CDK14: variants seen among roughly 807,000 people sequenced by gnomAD.
The protein encoded by CDK14 is cyclin dependent kinase 14.
In CDK14, 34 loss-of-function variants were observed where a neutral mutation model predicts 60.7. The ratio of observed to expected loss-of-function variants is 0.56; its 90% CI spans 0.43 to 0.75. The LOEUF (loss-of-function observed/expected upper bound fraction) is 0.75, where lower values mean the gene tolerates loss of function less well. Ranked by LOEUF, CDK14 falls within the 30% of genes least tolerant of loss-of-function variation. The probability of loss-of-function intolerance (pLI) is 0.00; values close to 1 mark genes in which losing one functional copy is unlikely to be tolerated. For missense variants in CDK14, 482 were observed against 564.1 expected (o/e 0.85, Z 1.47); for synonymous variants, 197 against 203.7 (o/e 0.97, Z 0.28).
At chr7:91,044,870 C>G (rs1797189503) in intron 10 of CDK14, among the ~76,000 whole-genome samples, 1 of 152,120 alleles carries the variant, frequency 6.6e-6, no homozygotes, top group Non-Finnish European at 1.5e-5. Context: ...CTGGAGCCTC[C>G]CTGATCCGAA....
rs555206162 is a variant in CDK14 at position 90,839,116 on chromosome 7, G to C, written c.545-24059G>C. 2.6e-5 allele frequency among the ~76,000 whole-genome samples: 4 copies of C among 152,292 alleles called. No homozygotes were observed. In the South Asian group the frequency reaches 8.3e-4, roughly 32 times the overall value. On this transcript the variant is annotated intron_variant, in intron 5 of 14. Transcript: ENST00000380050. ...GACCGGCTGACACTTAGGGAAAATA[G>C]GAAAGAACCTATGTTGAAATATTGG...
chr7:91,104,906 G>T (rs1054246820), intron 12 of CDK14, among the ~76,000 whole-genome samples: 1 of 152,092 alleles, frequency 6.6e-6, no homozygotes, highest in Admixed American at 6.5e-5. Context: ...AAGTGTAGGT[G>T]ATTATTTTGT....
intron 11 of CDK14, among the ~76,000 whole-genome samples, chr7:91,075,514 C>G (rs976146635): frequency 3.9e-5 from 6 of 152,142 alleles, no homozygotes; most frequent in African/African-American, 1.4e-4. Flanking sequence ...CAATATCATA[C>G]TGAATGGGCA....
chr7:90,707,270 A>G (rs1301214083), intron 2 of CDK14, among the ~76,000 whole-genome samples: 2 of 152,130 alleles, frequency 1.3e-5, no homozygotes, highest in Non-Finnish European at 2.9e-5. Flanking sequence ...TTACCTAGTT[A>G]TACTAGAGAA....
chr7:90,774,069 A>G (rs948552137), intron 4 of CDK14, among the ~76,000 whole-genome samples: 1 of 151,552 alleles, frequency 6.6e-6, no homozygotes, highest in Admixed American at 6.6e-5. Flanking sequence ...ATGCCTGGCT[A>G]ATTTTTGTAT....
At chr7:90,668,442 G>A (rs940922346) in intron 2 of CDK14, among the ~76,000 whole-genome samples, 3 of 152,030 alleles carry the variant, frequency 2.0e-5, no homozygotes, top group Admixed American at 6.6e-5. Flanking sequence ...TGAGTTGCAA[G>A]TATTTCTCTT....
At chr7:90,708,129 A>G (rs549031157) in intron 2 of CDK14, among the ~76,000 whole-genome samples, 7 of 152,204 alleles carry the variant, frequency 4.6e-5, no homozygotes, top group Admixed American at 1.3e-4. Flanking sequence ...AATTTTTTAA[A>G]TGTTAATTTA....
At chr7:91,192,486 T>C (rs1802394255) in intron 14 of CDK14, among the ~76,000 whole-genome samples, 1 of 152,158 alleles carries the variant, frequency 6.6e-6, no homozygotes, top group South Asian at 2.1e-4. Context: ...CAATAAATTA[T>C]CTTCAACTAC....
At chr7:90,832,786 G>A (rs768910897) in intron 5 of CDK14, among the ~76,000 whole-genome samples, 37 of 152,144 alleles carry the variant, frequency 2.4e-4, no homozygotes, top group Non-Finnish European at 3.8e-4. Context: ...TAAGAACATA[G>A]GTCATGAAAA....
At chr7:90,832,501 T>A (rs930133860) in intron 5 of CDK14, among the ~76,000 whole-genome samples, 10 of 152,198 alleles carry the variant, frequency 6.6e-5, no homozygotes, top group African/African-American at 2.4e-4. Flanking sequence ...AGTTTTTTTT[T>A]AAGCCACTTT....
intron 6 of CDK14, among the ~76,000 whole-genome samples, chr7:90,866,504 T>C (rs2117232369): frequency 6.6e-6 from 1 of 152,270 alleles, no homozygotes; most frequent in South Asian, 2.1e-4. Flanking sequence ...ACCCTGGATA[T>C]GACGGGAAAG....
intron 11 of CDK14, among the ~76,000 whole-genome samples, chr7:91,078,571 C>T (rs1188674653): frequency 3.3e-5 from 5 of 151,966 alleles, no homozygotes; most frequent in Non-Finnish European, 7.4e-5. Context: ...TGGGCCATTG[C>T]ACTACAGCGT....
chr7:90,839,505 T>A (rs1790219694), intron 5 of CDK14, among the ~76,000 whole-genome samples: 1 of 152,246 alleles, frequency 6.6e-6, no homozygotes, highest in Admixed American at 6.5e-5. Flanking sequence ...CCACCCCATC[T>A]GTTCTTTTCC....
At chr7:90,736,346 TTTTG>T (rs757811208) in intron 3 of CDK14, among the ~76,000 whole-genome samples, 13,747 of 65,092 alleles carry the variant, frequency 0.21, 778 homozygotes, top group South Asian at 0.28. Flanking sequence ...TTTATTATGT[TTTTG>T]TTTTTTTTTT....
chr7:91,203,416 C>T (rs780655193), intron 14 of CDK14, among the ~76,000 whole-genome samples: 2 of 152,202 alleles, frequency 1.3e-5, no homozygotes, highest in Non-Finnish European at 2.9e-5. Context: ...CAAAATCAAG[C>T]TTAATCAAGA....
intron 7 of CDK14, among the ~76,000 whole-genome samples, chr7:90,912,969 T>C (rs187221095): frequency 1.3e-5 from 2 of 152,302 alleles, no homozygotes; most frequent in Admixed American, 6.5e-5. Context: ...TCAGTAAGTA[T>C]TAGTCTCCCT....
At chr7:90,664,404 A>G (rs1800928710) in intron 2 of CDK14, among the ~76,000 whole-genome samples, 2 of 152,220 alleles carry the variant, frequency 1.3e-5, no homozygotes, top group Admixed American at 1.3e-4. Context: ...ATCTAGAACT[A>G]GAAATACCAT....
chr7:91,187,349 G>A (rs74441935), intron 14 of CDK14, among the ~76,000 whole-genome samples: 2,036 of 152,314 alleles, frequency 0.013, 61 homozygotes, highest in African/African-American at 0.045. Flanking sequence ...TCTTAAGACA[G>A]ATGGTCAGCA....
intron 2 of CDK14, among the ~76,000 whole-genome samples, chr7:90,685,329 CTGTGTCAG>C (rs1801409719): frequency 6.6e-6 from 1 of 152,000 alleles, no homozygotes; most frequent in Non-Finnish European, 1.5e-5. Context: ...TTGTCTTTTC[CTGTGTCAG>C]TACCACCCTC....
Sources: gnomAD v4.1 joint callset for allele counts (sites outside exome capture counted in the v4.1 genomes callset) on GRCh38, gnomAD v4.1.1 for gene constraint, MANE v1.5 for transcripts, NCBI Gene and HGNC (gene_info 2026-07-23, HGNC 2026-07-21) for gene names.